Variants in ZBTB44 observed in about 807,000 individuals in gnomAD.
ZBTB44 encodes the protein zinc finger and BTB domain-containing protein 44.
Under a neutral mutation model 54.0 loss-of-function variants are expected in ZBTB44, and 15 were observed. The observed-to-expected ratio is 0.28, with a 90% CI of 0.19 to 0.43. The LOEUF (loss-of-function observed/expected upper bound fraction) is 0.43, where lower values mean the gene tolerates loss of function less well. ZBTB44 is among the 20% of genes least tolerant of loss of function. The probability of loss-of-function intolerance (pLI) is 1.00; values close to 1 mark genes in which losing one functional copy is unlikely to be tolerated. For missense variants in ZBTB44, 487 were observed against 707.1 expected (o/e 0.69, Z 3.53); for synonymous variants, 230 against 250.1 (o/e 0.92, Z 0.76).
chr11:130,235,901 C>G (rs990720532), intron 5 of ZBTB44, among the ~76,000 whole-genome samples: 2 of 150,826 alleles, frequency 1.3e-5, no homozygotes, highest in African/African-American at 4.9e-5. Context: ...ACTCAGGAGG[C>G]TGAGGTTGCA....
rs59112840 is a variant in ZBTB44, at chr11:130,276,242, A to AAAAAAAAAAAG, written c.-56-14314_-56-14313insCTTTTTTTTTT. On this transcript the variant is annotated intron_variant, in intron 1 of 7. Transcript: ENST00000357899. ...CGTGAAACTCTGTCTCAAAAAAAAA[A>AAAAAAAAAAAG]AAAAGAAAAAAGAAATCAGAGGTTT... Among the ~76,000 whole-genome samples, 18 of 94,454 alleles carry AAAAAAAAAAAG rather than the reference A, an allele frequency of 1.9e-4. 1 individual carries two copies. Among genetic ancestry groups the AAAAAAAAAAAG allele is most frequent in the African/African-American group, 5.5e-4 (15 of 27,444 alleles). 62.0% of individuals were successfully genotyped at this position (94,454 alleles called of 152,430 possible). A position where few individuals can be genotyped will look rare whatever the true frequency, so the allele number is the denominator to read the frequency against.
chr11:130,290,506 C>T (rs534466259), intron 1 of ZBTB44, among the ~76,000 whole-genome samples: 1 of 152,342 alleles, frequency 6.6e-6, no homozygotes, highest in East Asian at 1.9e-4. Context: ...TTCCTTTCTC[C>T]ACTGCCACTG....
chr11:130,281,488 C>A (rs977052559), intron 1 of ZBTB44, among the ~76,000 whole-genome samples: 1 of 151,124 alleles, frequency 6.6e-6, no homozygotes, highest in South Asian at 2.1e-4. Context: ...CTACTGCACT[C>A]TAGCCTGGGC....
At position 130,227,267 on chromosome 11, in the gene ZBTB44, G is replaced by A. The variant is rs953298304; in HGVS notation, c.*4497C>T. Reference sequence around the variant, plus strand: ...TTTGTTATTGTCAAAAGTCAAACATGCCAAGTTAACTTAGCTATGGCCAGT... The same window carrying A: ...TTTGTTATTGTCAAAAGTCAAACATACCAAGTTAACTTAGCTATGGCCAGT... On this transcript the variant is annotated 3_prime_UTR_variant, in exon 8 of 8. Coordinates refer to ENST00000357899, the MANE Select transcript of ZBTB44 (RefSeq NM_001301098.2). 1.3e-5 allele frequency: 2 copies of A among 152,106 alleles called. No homozygotes were observed. Among genetic ancestry groups the A allele is most frequent in the Non-Finnish European group, 2.9e-5 (2 of 68,018 alleles). The allele number at this position is 152,106 out of a possible 1,614,324, so 9.4% of individuals were successfully genotyped here.
chr11:130,298,359 G>T (rs1015790594), intron 1 of ZBTB44, among the ~76,000 whole-genome samples: 5 of 151,642 alleles, frequency 3.3e-5, no homozygotes, highest in South Asian at 4.2e-4. Context: ...GCCCAGGCTG[G>T]TCTCAAACTC....
In ZBTB44 at chr11:130,235,997, A is replaced by C. The variant is rs1954092769; in HGVS notation, c.1568+796T>G. 8 of 933,598 alleles carry C rather than the reference A, an allele frequency of 8.6e-6. No homozygotes were observed. In the South Asian group the frequency reaches 2.0e-4, roughly 23 times the overall value. 57.8% of individuals were successfully genotyped at this position (933,598 alleles called of 1,614,324 possible). A position where few individuals can be genotyped will look rare whatever the true frequency, so the allele number is the denominator to read the frequency against. Reference sequence around the variant, plus strand: ...AAAAAAAAAAGAAAGATTTGTAAAAATTTCATTTTATGAGAAACTAAGGAT... The same window carrying C: ...AAAAAAAAAAGAAAGATTTGTAAAACTTTCATTTTATGAGAAACTAAGGAT... On this transcript the variant is annotated intron_variant, in intron 5 of 7. Coordinates refer to ENST00000357899, the MANE Select transcript of ZBTB44 (RefSeq NM_001301098.2).
At chr11:130,276,725 G>A (rs979858551) in intron 1 of ZBTB44, among the ~76,000 whole-genome samples, 1 of 151,978 alleles carries the variant, frequency 6.6e-6, no homozygotes, top group Non-Finnish European at 1.5e-5. Flanking sequence ...CACTGTGCCC[G>A]GCCTGTTCTA....
chr11:130,235,496 G>A (rs76211322), intron 5 of ZBTB44, among the ~76,000 whole-genome samples: 136 of 152,218 alleles, frequency 8.9e-4, no homozygotes, highest in African/African-American at 3.1e-3. Context: ...GAATAATTTG[G>A]AATTTGTTTA....
intron 1 of ZBTB44, among the ~76,000 whole-genome samples, chr11:130,307,740 G>C (rs1189124248): frequency 6.6e-6 from 1 of 152,100 alleles, no homozygotes; most frequent in Admixed American, 6.5e-5. Context: ...CTCACTGCTG[G>C]AGGAATCACA....
At chr11:130,241,768 C>T (rs1473117352) in intron 2 of ZBTB44, among the ~76,000 whole-genome samples, 1 of 151,966 alleles carries the variant, frequency 6.6e-6, no homozygotes, top group Admixed American at 6.5e-5. Context: ...AAATCTTTCC[C>T]TGTCTGAAAT....
chr11:130,292,397 CA>C (rs1941356895), intron 1 of ZBTB44, among the ~76,000 whole-genome samples: 1 of 152,130 alleles, frequency 6.6e-6, no homozygotes, highest in Non-Finnish European at 1.5e-5. Context: ...AAGTAGTTTA[CA>C]GATTTTGCTC....
chr11:130,268,329 T>C (rs1020443491), intron 1 of ZBTB44, among the ~76,000 whole-genome samples: 4 of 152,054 alleles, frequency 2.6e-5, no homozygotes, highest in Admixed American at 6.6e-5. Context: ...AACTCCAATC[T>C]TCAGTGACCT....
chr11:130,233,926 A>C (rs1953997084), intron 6 of ZBTB44: 3 of 1,094,362 alleles, frequency 2.7e-6, no homozygotes, highest in Non-Finnish European at 2.2e-6. Context: ...ATTAAATTAA[A>C]TTTAAATGTA....
chr11:130,295,894 G>A (rs565765385), intron 1 of ZBTB44: 1 of 1,479,978 alleles, frequency 6.8e-7, no homozygotes, highest in African/African-American at 1.4e-5. Context: ...GCATACCTAT[G>A]GGTTGATAAT....
At chr11:130,260,803 A>C in intron 2 of ZBTB44, 53 bp downstream of exon 2, 1 of 1,518,580 alleles carries the variant, frequency 6.6e-7, no homozygotes, top group Middle Eastern at 1.8e-4. Context: ...CAGGAACTTA[A>C]AAATGTTTGA....
At chr11:130,259,008 A>G (rs1268141610) in intron 2 of ZBTB44, among the ~76,000 whole-genome samples, 1 of 152,206 alleles carries the variant, frequency 6.6e-6, no homozygotes, top group Admixed American at 6.5e-5. Flanking sequence ...ACCTAGGAAT[A>G]TAACTTACAA....
At chr11:130,249,256 T>C (rs1937789180) in intron 2 of ZBTB44, among the ~76,000 whole-genome samples, 1 of 152,184 alleles carries the variant, frequency 6.6e-6, no homozygotes, top group Admixed American at 6.5e-5. Flanking sequence ...TGATTAAAAT[T>C]ATAATTATTC....
chr11:130,242,274 T>C (rs1954400764), intron 2 of ZBTB44, among the ~76,000 whole-genome samples: 1 of 152,222 alleles, frequency 6.6e-6, no homozygotes, highest in Admixed American at 6.5e-5. Flanking sequence ...TTCTGGATAA[T>C]ACAAAGATCC....
At chr11:130,233,186 C>T (rs1953947978) in intron 7 of ZBTB44, 122 bp downstream of exon 7, 3 of 1,328,256 alleles carry the variant, frequency 2.3e-6, no homozygotes, top group Non-Finnish European at 2.0e-6. Flanking sequence ...ATTGATGGGG[C>T]AGGGGGAAAA....
Sources: allele counts gnomAD v4.1 joint callset (sites outside exome capture counted in the v4.1 genomes callset), GRCh38; gene constraint gnomAD v4.1.1; transcripts MANE v1.5; gene names NCBI Gene and HGNC (gene_info 2026-07-23, HGNC 2026-07-21).